EPG5: variants seen among roughly 807,000 people sequenced by gnomAD.
EPG5 encodes ectopic P-granules 5 autophagy tethering factor, also known as ectopic P granules protein 5 homolog.
Under a neutral mutation model 302.7 loss-of-function variants are expected in EPG5, and 159 were observed. The observed-to-expected ratio is 0.53, with a 90% CI of 0.46 to 0.60. The LOEUF (loss-of-function observed/expected upper bound fraction) is 0.60. Among genes scored for constraint, EPG5 ranks in the 20% least tolerant of loss-of-function variants. The pLI is 0.00. For synonymous variants in EPG5, 1,158 were observed against 1,136.8 expected (o/e 1.02, Z -0.37); for missense variants, 2,896 against 3,092.4 (o/e 0.94, Z 1.51).
chr18:45,919,520 T>G (rs534009483), intron 16 of EPG5, among the ~76,000 whole-genome samples: 7 of 151,894 alleles, frequency 4.6e-5, no homozygotes, highest in African/African-American at 1.7e-4. Context: ...TGTGGTTTTT[T>G]TTTTTTTTTT....
At chr18:45,838,468 G>C in the EPG5 span, 97 of 555,936 alleles carry the variant, frequency 1.7e-4, 2 homozygotes, top group East Asian at 3.3e-3. Context: ...CCACAAGCAT[G>C]AATTTGCCAA....
intron 1 of EPG5, among the ~76,000 whole-genome samples, chr18:45,966,573 GA>G: frequency 6.6e-6 from 1 of 151,342 alleles, no homozygotes; most frequent in Non-Finnish European, 1.5e-5. Flanking sequence ...AGGAAACTCA[GA>G]AAATTCAAAC....
Position 45,916,126 on chromosome 18 carries a change from G to T in EPG5, c.3465C>A (p.Ser1155Arg), listed in dbSNP as rs747819870. ...GTTGTTCTCGGTACCAGAGATGCTG[G>T]CTTATGAGAGCCTGAACCCAGAACT... ...VLEFWVQALI[S>R]QHLWYREQPI... Residue 1155 changes from serine to arginine, a missense_variant, in exon 19 of 44, where the codon AGC (serine) becomes AGA (arginine). Ser to Arg is a moderately radical substitution (Grantham distance 110, BLOSUM62 -1). Around this residue, in one of 5 missense-constraint regions of EPG5, gnomAD observed 1,390 missense variants for 1,430.0 expected, o/e 0.97. Transcript: ENST00000282041. 1.9e-6 allele frequency: 3 copies of T among 1,614,118 alleles called. No individual in the cohort carries two copies. The highest frequency in any genetic ancestry group is 1.7e-6 in the Non-Finnish European group (2 of 1,180,016).
intron 9 of EPG5, among the ~76,000 whole-genome samples, chr18:45,940,800 G>T (rs1021521582): frequency 1.3e-5 from 2 of 152,114 alleles, no homozygotes; most frequent in South Asian, 2.1e-4. Flanking sequence ...TTGAATGTGG[G>T]GTATAAAAGA....
Position 45,912,353 on chromosome 18 carries a change from AG to A in EPG5, c.3919del (p.Leu1307SerfsTer25). ...GAACTTCTGCCAAATGAGTGGCAGGAGGGGGTGATCAGAAGGTGTGACCAGA... is the reference window on the plus strand; with the variant it reads ...GAACTTCTGCCAAATGAGTGGCAGGAGGGGTGATCAGAAGGTGTGACCAGA... The part of the protein sequence containing the change: ...QALVTPSDHP[L>X]LPLIWQKFFL... On this transcript the variant is annotated frameshift_variant, in exon 22 of 44. Coordinates refer to ENST00000282041, the MANE Select transcript of EPG5 (RefSeq NM_020964.3). LOFTEE classifies it high-confidence loss of function. 1 of 1,610,934 alleles carries A rather than the reference AG, an allele frequency of 6.2e-7. No individual in the cohort carries two copies. The highest frequency in any genetic ancestry group is 8.5e-7 in the Non-Finnish European group (1 of 1,178,896).
chr18:45,854,556 A>T (rs762741742), intron 43 of EPG5, among the ~76,000 whole-genome samples: 5 of 152,100 alleles, frequency 3.3e-5, no homozygotes, highest in Non-Finnish European at 5.9e-5. Context: ...TCATCCAAAA[A>T]ACCAGGATAA....
the EPG5 span, among the ~76,000 whole-genome samples, chr18:45,823,666 C>A: frequency 6.6e-6 from 1 of 152,176 alleles, no homozygotes; most frequent in East Asian, 1.9e-4. Context: ...ATTTATCTAA[C>A]TGCTAGTCTG....
the EPG5 span, among the ~76,000 whole-genome samples, chr18:45,839,633 C>T: frequency 6.6e-6 from 1 of 152,156 alleles, no homozygotes; most frequent in South Asian, 2.1e-4. Context: ...GGTGGGGCAT[C>T]TGGAGAAGGC....
At chr18:45,953,588 A>G in intron 2 of EPG5, 1 of 985,238 alleles carries the variant, frequency 1.0e-6, no homozygotes, top group Non-Finnish European at 1.2e-6. Flanking sequence ...CTAAGCCACT[A>G]TGAAATGGCT....
intron 30 of EPG5, among the ~76,000 whole-genome samples, chr18:45,883,160 C>T (rs2049137027): frequency 6.6e-6 from 1 of 152,034 alleles, no homozygotes; most frequent in Non-Finnish European, 1.5e-5. Flanking sequence ...TCATTATTGG[C>T]TTATAATTTT....
At chr18:45,808,581 CTCAAACAAAACAATTA>C in the EPG5 span, among the ~76,000 whole-genome samples, 4 of 152,232 alleles carry the variant, frequency 2.6e-5, no homozygotes, top group African/African-American at 9.6e-5. Flanking sequence ...CTTCAGCCTC[CTCAAACAAAACAATTA>C]TCAACCAACA....
chr18:45,892,117 T>C (rs1225600158), intron 27 of EPG5, among the ~76,000 whole-genome samples: 1 of 152,212 alleles, frequency 6.6e-6, no homozygotes, highest in Non-Finnish European at 1.5e-5. Context: ...GGACTAAAAC[T>C]ACTCTGTAAT....
At position 45,925,816 on chromosome 18, in the gene EPG5, C is replaced by A; in HGVS notation, c.2640G>T (p.Leu880Phe). The change falls in exon 14 of 44, where the codon TTG becomes TTT. Residue 880 changes from leucine to phenylalanine, a missense_variant. This residue lies in a region of EPG5 where 1,390 missense variants were observed against 1,430.0 expected (regional missense o/e 0.97). Coordinates refer to ENST00000282041, the MANE Select transcript of EPG5 (RefSeq NM_020964.3). The part of the protein sequence containing the change: ...SEIAVIRDWL[L>F]NYNLTVVKNK... ...TCTTCACCACTGTCAGGTTGTAATTCAATAACCAATCCCGAATCACCGCTA... is the reference window on the plus strand; with the variant it reads ...TCTTCACCACTGTCAGGTTGTAATTAAATAACCAATCCCGAATCACCGCTA... 1.3e-6 allele frequency: 2 copies of A among 1,581,150 alleles called. No individual in the cohort carries two copies. Among genetic ancestry groups the A allele is most frequent in the East Asian group, 2.3e-5 (1 of 43,204 alleles).
Position 45,878,995 on chromosome 18 carries a change from G to A in EPG5, c.5869+18C>T, listed in dbSNP as rs202231195. 1,068 of 1,605,530 alleles carry A rather than the reference G, an allele frequency of 6.7e-4. 2 individuals are homozygous for A. The highest frequency in any genetic ancestry group is 2.6e-3 in the Middle Eastern group (16 of 6,044). On this transcript the variant is annotated intron_variant, in intron 33 of 43. Transcript: ENST00000282041. ...AAGTCCAAACACCTAGCTCCACATCGCATGAGAAGTATATTACCTGTTTTC... is the reference window on the plus strand; with the variant it reads ...AAGTCCAAACACCTAGCTCCACATCACATGAGAAGTATATTACCTGTTTTC...
In EPG5 at chr18:45,952,635, A is replaced by G. The variant is rs753757136; in HGVS notation, c.1017T>C (p.Cys339=). 6.2e-6 allele frequency: 10 copies of G among 1,614,024 alleles called. No homozygotes were observed. In the South Asian group the frequency reaches 9.9e-5, roughly 16 times the overall value. ...KEEQMSVQGI[C]ADQVKVFSYH... is the part of the protein sequence containing the mutation. ...AGCTGAAAACTTTCACTTGATCTGC[A>G]CAGATACCCTACCAGAGGACAAAAA... Residue 339 remains cysteine, a synonymous_variant, in exon 3 of 44, where the codon TGT becomes TGC. Coordinates refer to ENST00000282041, the MANE Select transcript of EPG5 (RefSeq NM_020964.3).
chr18:45,910,183 C>T (rs2049858960), intron 23 of EPG5, among the ~76,000 whole-genome samples: 1 of 151,986 alleles, frequency 6.6e-6, no homozygotes, highest in Non-Finnish European at 1.5e-5. Context: ...GAGATAGGGT[C>T]TCACTATGTT....
chr18:45,930,740 G>A lies in EPG5; in HGVS notation c.2348C>T (p.Ala783Val), dbSNP rs1330678250. Reference protein sequence around the residue: ...ICLLTTFAQMAQARRTNVDED... With the variant: ...ICLLTTFAQMVQARRTNVDED... Reference sequence around the variant, plus strand: ...GTCCACATTGGTTCTTCTGGCCTGAGCCATCTGAGCAAAGGTAGTCAGAAG... The same window carrying A: ...GTCCACATTGGTTCTTCTGGCCTGAACCATCTGAGCAAAGGTAGTCAGAAG... The change falls in exon 12 of 44, where the codon GCT becomes GTT. Residue 783 changes from alanine (A) to valine (V), a missense_variant. By Grantham distance (64) the Ala-to-Val change is moderately conservative. Around this residue, in one of 5 missense-constraint regions of EPG5, gnomAD observed 1,390 missense variants for 1,430.0 expected, o/e 0.97. Coordinates refer to ENST00000282041, the MANE Select transcript of EPG5 (RefSeq NM_020964.3). 8.1e-6 allele frequency: 13 copies of A among 1,611,430 alleles called. No individual in the cohort carries two copies. Among genetic ancestry groups the A allele is most frequent in the Non-Finnish European group, 1.1e-5 (13 of 1,179,138 alleles).
intron 2 of EPG5, chr18:45,953,260 A>G (rs938548071): frequency 2.5e-5 from 24 of 978,688 alleles, no homozygotes; most frequent in Middle Eastern, 5.2e-4. Flanking sequence ...CTTACCTTCT[A>G]TTTTATGAAT....
At chr18:45,858,948 G>C (rs1307072950) in intron 40 of EPG5, among the ~76,000 whole-genome samples, 166 bp from the exon 41 acceptor site, 1 of 152,078 alleles carries the variant, frequency 6.6e-6, no homozygotes, top group African/African-American at 2.4e-5. Context: ...GACCTTGGAG[G>C]CTACAAAAGT....
Sources: allele counts gnomAD v4.1 joint callset (sites outside exome capture counted in the v4.1 genomes callset), GRCh38; gene constraint gnomAD v4.1.1; regional missense constraint gnomAD v4.1.1; transcripts MANE v1.5; gene names NCBI Gene and HGNC (gene_info 2026-07-23, HGNC 2026-07-21).